Variants in IMMP2L observed in about 807,000 individuals in gnomAD.
The protein encoded by IMMP2L is mitochondrial inner membrane protease subunit 2.
Under a neutral mutation model 19.3 loss-of-function variants are expected in IMMP2L, and 18 were observed. That is an observed-to-expected ratio of 0.93 (90% CI 0.64 to 1.38). The LOEUF (loss-of-function observed/expected upper bound fraction) is 1.38, where lower values mean the gene tolerates loss of function less well. Among genes scored for constraint, IMMP2L ranks in the 40% most tolerant of loss-of-function variants. IMMP2L has a pLI of 0.00. For missense variants in IMMP2L, 233 were observed against 218.2 expected, an observed-to-expected ratio of 1.07 and a Z score of -0.43; for synonymous variants, 76 against 73.0, an observed-to-expected ratio of 1.04 and a Z score of -0.21.
intron 5 of IMMP2L, among the ~76,000 whole-genome samples, chr7:110,828,322 G>T (rs936598010): frequency 6.6e-6 from 1 of 152,108 alleles, no homozygotes; most frequent in Non-Finnish European, 1.5e-5. Flanking sequence ...CTTTCTTCTT[G>T]TGTTCTCCCT....
intron 1 of IMMP2L, among the ~76,000 whole-genome samples, chr7:111,539,774 A>G (rs773338972): frequency 5.3e-5 from 8 of 152,170 alleles, no homozygotes; most frequent in Non-Finnish European, 1.0e-4. Context: ...GGTTTGCACT[A>G]TATAATTCAA....
chr7:111,320,286 T>C (rs572982152), intron 3 of IMMP2L, among the ~76,000 whole-genome samples: 7 of 152,218 alleles, frequency 4.6e-5, no homozygotes, highest in South Asian at 4.1e-4. Flanking sequence ...ATCCACCTTC[T>C]TACTCAAATC....
Position 111,318,687 on chromosome 7 carries a change from C to A in IMMP2L, c.239+168551G>T, listed in dbSNP as rs536401912. Among the ~76,000 whole-genome samples the A allele has an allele frequency of 2.0e-5, 3 of 152,078 alleles. No homozygotes were observed. The South Asian group carries it at 6.2e-4, about 32-fold the overall frequency. ...AGACAGCACTTTTTAAAGACAATAC[C>A]TTACCAAGCCACTTGAAGACGGAAT... On this transcript the variant is annotated intron_variant, in intron 3 of 5. Coordinates refer to ENST00000405709, the MANE Select transcript of IMMP2L (RefSeq NM_032549.4).
chr7:110,764,199 C>T (rs1158266168), intron 5 of IMMP2L, among the ~76,000 whole-genome samples: 1 of 152,074 alleles, frequency 6.6e-6, no homozygotes, highest in African/African-American at 2.4e-5. Context: ...AATGAAAGGG[C>T]TCTGACCACC....
intron 3 of IMMP2L, among the ~76,000 whole-genome samples, chr7:111,275,746 T>A (rs973725168): frequency 1.3e-5 from 2 of 152,198 alleles, no homozygotes; most frequent in African/African-American, 4.8e-5. Context: ...TAGTTCTACA[T>A]ATAGAGATCT....
chr7:111,457,333 GA>G (rs1198831934), intron 3 of IMMP2L, among the ~76,000 whole-genome samples: 31 of 132,386 alleles, frequency 2.3e-4, no homozygotes, highest in Admixed American at 5.3e-4. Context: ...TACTGGCCTT[GA>G]AAAAAAAAAG....
intron 3 of IMMP2L, among the ~76,000 whole-genome samples, chr7:111,416,977 T>A (rs1340618171): frequency 6.6e-6 from 1 of 151,772 alleles, no homozygotes; most frequent in East Asian, 1.9e-4. Flanking sequence ...TACATGTATC[T>A]ATTTAAACTG....
intron 3 of IMMP2L, among the ~76,000 whole-genome samples, chr7:111,175,235 A>G (rs1012875080): frequency 1.3e-5 from 2 of 151,832 alleles, no homozygotes; most frequent in African/African-American, 4.8e-5. Flanking sequence ...AAAAGGTCTT[A>G]CAATAACAGG....
At chr7:111,500,034 T>A (rs887599705) in intron 2 of IMMP2L, among the ~76,000 whole-genome samples, 2 of 151,954 alleles carry the variant, frequency 1.3e-5, no homozygotes, top group African/African-American at 4.8e-5. Context: ...GCACAAGGGG[T>A]CAGGGAGTTC....
At chr7:111,215,735 C>T (rs1811859969) in intron 3 of IMMP2L, among the ~76,000 whole-genome samples, 1 of 152,076 alleles carries the variant, frequency 6.6e-6, no homozygotes, top group South Asian at 2.1e-4. Flanking sequence ...CTTTCAGAAA[C>T]TTCTTTGCTC....
chr7:111,417,418 G>T (rs1296452386), intron 3 of IMMP2L, among the ~76,000 whole-genome samples: 1 of 151,730 alleles, frequency 6.6e-6, no homozygotes, highest in Non-Finnish European at 1.5e-5. Context: ...TTTTTAGTGG[G>T]ATATATGTAA....
At chr7:111,461,977 TACAC>T (rs1210388097) in intron 3 of IMMP2L, among the ~76,000 whole-genome samples, 1 of 151,840 alleles carries the variant, frequency 6.6e-6, no homozygotes, top group East Asian at 1.9e-4. Flanking sequence ...ATATAGATCA[TACAC>T]ACACACGTGC....
At chr7:111,400,051 G>A (rs1468749259) in intron 3 of IMMP2L, among the ~76,000 whole-genome samples, 2 of 152,060 alleles carry the variant, frequency 1.3e-5, no homozygotes, top group African/African-American at 4.8e-5. Context: ...CCATCTGAAT[G>A]TGATACCTCT....
At chr7:111,085,993 G>T (rs775604217) in intron 3 of IMMP2L, among the ~76,000 whole-genome samples, 3 of 151,958 alleles carry the variant, frequency 2.0e-5, no homozygotes, top group African/African-American at 7.3e-5. Context: ...GGAGGGGGAG[G>T]ATCAGAAAAA....
In IMMP2L at chr7:111,448,203, C is replaced by T. The variant is rs1358747924; in HGVS notation, c.239+39035G>A. On this transcript the variant is annotated intron_variant, in intron 3 of 5. Coordinates refer to ENST00000405709, the MANE Select transcript of IMMP2L (RefSeq NM_032549.4). ...GAATTGAACTCAGCTCTGCACCAAG[C>T]GGACCTAATAGACATCTACAGAACT... 9.6e-5 allele frequency among the ~76,000 whole-genome samples: 12 copies of T among 125,594 alleles called. No individual in the cohort carries two copies. In the East Asian group the frequency reaches 1.5e-3, roughly 15 times the overall value. The allele number at this position is 125,594 out of a possible 152,430, so 82.4% of individuals were successfully genotyped here.
intron 5 of IMMP2L, among the ~76,000 whole-genome samples, chr7:110,853,813 T>G (rs778815845): frequency 5.3e-5 from 8 of 151,106 alleles, no homozygotes; most frequent in Non-Finnish European, 1.2e-4. Flanking sequence ...TCAAAGAGAG[T>G]TTCAAGGCAA....
chr7:110,827,304 T>C (rs1175051138), intron 5 of IMMP2L, among the ~76,000 whole-genome samples: 1 of 152,128 alleles, frequency 6.6e-6, no homozygotes, highest in Non-Finnish European at 1.5e-5. Context: ...AACCCCAAGT[T>C]CTTGTCCTTG....
chr7:111,272,665 A>C (rs1302197363), intron 3 of IMMP2L, among the ~76,000 whole-genome samples: 1 of 152,188 alleles, frequency 6.6e-6, no homozygotes, highest in African/African-American at 2.4e-5. Flanking sequence ...ACAAAAGTAG[A>C]AAAGAGCTGA....
At chr7:110,700,770 G>T (rs1289456083) in intron 5 of IMMP2L, among the ~76,000 whole-genome samples, 1 of 152,072 alleles carries the variant, frequency 6.6e-6, no homozygotes, top group East Asian at 1.9e-4. Context: ...AACCAAAACA[G>T]AACTCCACTC....
Sources: gnomAD v4.1 joint callset for allele counts (sites outside exome capture counted in the v4.1 genomes callset) on GRCh38, gnomAD v4.1.1 for gene constraint, MANE v1.5 for transcripts, NCBI Gene and HGNC (gene_info 2026-07-23, HGNC 2026-07-21) for gene names.